HTT: variants seen among roughly 807,000 people sequenced by gnomAD.
The protein encoded by HTT is huntington disease protein.
Under a neutral mutation model 362.3 loss-of-function variants are expected in HTT, and 104 were observed. The observed-to-expected ratio is 0.29, with a 90% confidence interval of 0.24 to 0.34. The LOEUF (loss-of-function observed/expected upper bound fraction) is 0.34, where lower values mean the gene tolerates loss of function less well. Among genes scored for constraint, HTT ranks in the 10% least tolerant of loss-of-function variants. HTT has a pLI of 1.00. For synonymous variants in HTT, 1,577 were observed against 1,548.7 expected (o/e 1.02, Z -0.43); for missense variants, 3,301 against 3,928.6 (o/e 0.84, Z 4.27).
chr4:3,181,162 G>A (rs950362032), intron 36 of HTT, among the ~76,000 whole-genome samples: 10 of 151,780 alleles, frequency 6.6e-5, no homozygotes, highest in South Asian at 4.2e-4. Flanking sequence ...GATTACAGGC[G>A]TGAGCCACCA....
At chr4:3,131,923 T>TG in intron 16 of HTT, 148 bp downstream of exon 16, 1 of 725,328 alleles carries the variant, frequency 1.4e-6, no homozygotes, top group Middle Eastern at 4.0e-4. Context: ...AGAAAACACA[T>TG]GAATAGTGAA....
chr4:3,095,514 T>TGCGAGGGCGAGG (rs763759970), intron 2 of HTT, among the ~76,000 whole-genome samples: 2 of 152,076 alleles, frequency 1.3e-5, no homozygotes, highest in African/African-American at 2.4e-5. Flanking sequence ...AGGGAGACTG[T>TGCGAGGGCGAGG]GCGAGGGCGA....
At position 3,105,422 on chromosome 4, in the gene HTT, G is replaced by T. The variant is rs771201253; in HGVS notation, c.594G>T (p.Arg198=). The change falls in exon 5 of 67, where the codon CGG becomes CGT. Residue 198 remains arginine (R), a synonymous_variant. Coordinates refer to ENST00000355072, the MANE Select transcript of HTT (RefSeq NM_001388492.1). The part of the protein sequence containing the change: ...WRFAELAHLV[R]PQKCRPYLVN... ...TTGCTGAGCTGGCTCACCTGGTTCG[G>T]CCTCAGAAATGCAGGTAAGTTGTAC... is the stretch of plus-strand genomic sequence containing the variant. The T allele has an allele frequency of 3.1e-6, 5 of 1,613,036 alleles. No individual in the cohort carries two copies. In the South Asian group the frequency reaches 4.4e-5, roughly 14 times the overall value.
rs1718286986 is a variant in HTT at position 3,177,352 on chromosome 4, G to C, written c.4428G>C (p.Leu1476Phe). The C allele has an allele frequency of 6.2e-7, 1 of 1,600,844 alleles. No homozygotes were observed. Residue 1476 changes from leucine (L) to phenylalanine (F), a missense_variant, in exon 34 of 67, where the codon TTG (leucine) becomes TTC (phenylalanine). This residue lies in a region of HTT where 2,316 missense variants were observed against 2,658.5 expected (regional missense o/e 0.87). Coordinates refer to ENST00000355072, the MANE Select transcript of HTT (RefSeq NM_001388492.1). ...TGTAGGTGTTTATTGGCTTTGTATT[G>C]AAACAGTTTGAATACATTGAAGTGG... ...DSDQVFIGFV[L>F]KQFEYIEVGQ...
chr4:3,206,182 G>T lies in HTT; in HGVS notation c.5719-314G>T, dbSNP rs1467166081. On this transcript the variant is annotated intron_variant, in intron 42 of 66. Transcript: ENST00000355072. The surrounding 1 kb of genome is among the most constrained non-coding windows in gnomAD (Gnocchi z 4.6). ...GCTGCCCCTGCTACCTGCGGATCTC[G>T]CTGAGGCCTGCCTTTGTCCTTTGAC... Among the ~76,000 whole-genome samples, 1 of 152,234 alleles carries T rather than the reference G, an allele frequency of 6.6e-6. No individual in the cohort carries two copies. Among genetic ancestry groups the T allele is most frequent in the Non-Finnish European group, 1.5e-5 (1 of 68,036 alleles).
At chr4:3,172,793 T>G in intron 30 of HTT, 115 bp from the exon 31 acceptor site, 1 of 764,042 alleles carries the variant, frequency 1.3e-6, no homozygotes, top group Non-Finnish European at 2.3e-6. Flanking sequence ...AATTTCACGC[T>G]GTGAGTCTTT....
chr4:3,202,277 T>A (rs1719618450), intron 41 of HTT, among the ~76,000 whole-genome samples: 1 of 152,070 alleles, frequency 6.6e-6, no homozygotes, highest in Non-Finnish European at 1.5e-5. Context: ...GGCCTGAGAT[T>A]TGGGGGGGCT....
In HTT at chr4:3,235,176, C is replaced by T. The variant is rs573819232; in HGVS notation, c.8457-108C>T. 8.3e-5 allele frequency: 66 copies of T among 793,974 alleles called. 1 individual carries two copies. In the South Asian group the frequency reaches 1.0e-3, roughly 12 times the overall value. 49.2% of individuals were successfully genotyped at this position (793,974 alleles called of 1,614,324 possible). A position where few individuals can be genotyped will look rare whatever the true frequency, so the allele number is the denominator to read the frequency against. On this transcript the variant is annotated intron_variant, in intron 61 of 66. Coordinates refer to ENST00000355072, the MANE Select transcript of HTT (RefSeq NM_001388492.1). ...CACTCAGGGTAGGCGCTCCCGGGAG[C>T]CCGCCTGGCCCATAGCTCTACACTC...
At chr4:3,231,870 A>C (rs991002881) in intron 60 of HTT, among the ~76,000 whole-genome samples, 4 of 152,176 alleles carry the variant, frequency 2.6e-5, no homozygotes, top group African/African-American at 9.7e-5. Flanking sequence ...TCAGTAATCA[A>C]ATGAGAAATA....
In HTT at chr4:3,172,341, T is replaced by C; in HGVS notation, c.3886T>C (p.Tyr1296His). The C allele has an allele frequency of 1.2e-6, 2 of 1,607,448 alleles. No homozygotes were observed. Among genetic ancestry groups the C allele is most frequent in the South Asian group, 2.2e-5 (2 of 90,942 alleles). Reference sequence around the variant, plus strand: ...ACAGTGTGTTGAAGAGATCCTAGGATACCTGAAATCCTGCTTTAGTCGAGA... The same window carrying C: ...ACAGTGTGTTGAAGAGATCCTAGGACACCTGAAATCCTGCTTTAGTCGAGA... ...IGKCVEEILG[Y>H]LKSCFSREPM... The change falls in exon 30 of 67, where the codon TAC (tyrosine) becomes CAC (histidine). Residue 1296 changes from tyrosine (Y) to histidine (H), a missense_variant. Tyr to His is a moderately conservative substitution (Grantham distance 83). Transcript: ENST00000355072.
intron 27 of HTT, among the ~76,000 whole-genome samples, chr4:3,155,486 A>G (rs1717094824): frequency 6.6e-6 from 1 of 151,518 alleles, no homozygotes; most frequent in Non-Finnish European, 1.5e-5. Flanking sequence ...CAGCCTCTCA[A>G]AGTGCTGGGA....
intron 33 of HTT, 56 bp downstream of exon 33, chr4:3,175,163 C>A (rs1718182552): frequency 7.0e-7 from 1 of 1,435,858 alleles, no homozygotes; most frequent in East Asian, 2.3e-5. Context: ...GTACAAATTA[C>A]CCTAAAAGAC....
chr4:3,216,933 G>A (rs1252880397), intron 51 of HTT, among the ~76,000 whole-genome samples: 1 of 151,094 alleles, frequency 6.6e-6, no homozygotes, highest in African/African-American at 2.4e-5. Flanking sequence ...GCTGAGGCAG[G>A]AGAATGGCGT....
chr4:3,221,446 C>G (rs1167322836), intron 53 of HTT, among the ~76,000 whole-genome samples: 3 of 152,184 alleles, frequency 2.0e-5, no homozygotes, highest in Non-Finnish European at 4.4e-5. Context: ...AAGACTGTGC[C>G]GCAGTCCTTG....
rs771954433 is a variant in HTT, at chr4:3,116,276, G to C, written c.1068+13G>C. On this transcript the variant is annotated intron_variant, in intron 8 of 66. Coordinates refer to ENST00000355072, the MANE Select transcript of HTT (RefSeq NM_001388492.1). Reference sequence around the variant, plus strand: ...GCAGCTTGTCCAGGTAGGAGCACAGGGTTTACTCTAGGCCCTGCATGTGAA... The same window carrying C: ...GCAGCTTGTCCAGGTAGGAGCACAGCGTTTACTCTAGGCCCTGCATGTGAA... 6.3e-7 allele frequency: 1 copy of C among 1,598,316 alleles called. No homozygotes were observed. The highest frequency in any genetic ancestry group is 8.6e-7 in the Non-Finnish European group (1 of 1,166,516).
Position 3,142,851 on chromosome 4 carries a change from C to T in HTT, c.3031C>T (p.His1011Tyr). 6.2e-7 allele frequency: 1 copy of T among 1,611,916 alleles called. No individual in the cohort carries two copies. Residue 1011 changes from histidine to tyrosine, a missense_variant, in exon 23 of 67, where the codon CAT (histidine) becomes TAT (tyrosine). By Grantham distance (83) the His-to-Tyr change is moderately conservative. Around this residue, in one of 4 missense-constraint regions of HTT, gnomAD observed 2,316 missense variants for 2,658.5 expected, o/e 0.87. Transcript: ENST00000355072. ...TTCAAGAGTTATTGCAGCAGTTTCTCATGAACTAATCACATCAACCACCAG... is the reference window on the plus strand; with the variant it reads ...TTCAAGAGTTATTGCAGCAGTTTCTTATGAACTAATCACATCAACCACCAG... ...NLSRVIAAVS[H>Y]ELITSTTRAL...
At chr4:3,229,662 G>A (rs545108787) in intron 59 of HTT, among the ~76,000 whole-genome samples, 7 of 151,210 alleles carry the variant, frequency 4.6e-5, no homozygotes, top group Non-Finnish European at 7.4e-5. Flanking sequence ...CACCACATAC[G>A]CCACATGTAC....
chr4:3,105,234 G>A, intron 4 of HTT, 123 bp from the exon 5 acceptor site: 1 of 652,950 alleles, frequency 1.5e-6, no homozygotes, highest in East Asian at 2.7e-5. Context: ...GATGTTTTAT[G>A]CATTTAAATG....
intron 2 of HTT, among the ~76,000 whole-genome samples, chr4:3,097,623 C>T (rs1385691065): frequency 1.3e-5 from 2 of 152,148 alleles, no homozygotes; most frequent in African/African-American, 4.8e-5. Context: ...CAGAGCAAGA[C>T]TCCATCTCAA....
Sources: allele counts gnomAD v4.1 joint callset (sites outside exome capture counted in the v4.1 genomes callset), GRCh38; gene constraint gnomAD v4.1.1; regional missense constraint gnomAD v4.1.1; non-coding constraint Gnocchi (gnomAD v3.1); transcripts MANE v1.5; gene names NCBI Gene and HGNC (gene_info 2026-07-23, HGNC 2026-07-21).